MAN1A2: variants seen among roughly 807,000 people sequenced by gnomAD.
MAN1A2 encodes mannosidase alpha class 1A member 2, also known as mannosyl-oligosaccharide 1,2-alpha-mannosidase IB.
MAN1A2 carries 26 observed loss-of-function variants against 75.7 expected under a neutral mutation model. That is an observed-to-expected ratio of 0.34 (90% CI 0.25 to 0.48). The LOEUF is 0.48. Among genes scored for constraint, MAN1A2 ranks in the 20% least tolerant of loss-of-function variants. The probability of loss-of-function intolerance (pLI) is 0.99; values close to 1 mark genes in which losing one functional copy is unlikely to be tolerated. For missense variants in MAN1A2, 562 were observed against 775.5 expected, an observed-to-expected ratio of 0.72 and a Z score of 3.27; for synonymous variants, 247 against 264.6, an observed-to-expected ratio of 0.93 and a Z score of 0.65.
At chr1:117,458,516 T>TAGAG (rs202154946) in intron 6 of MAN1A2, among the ~76,000 whole-genome samples, 1 of 108,026 alleles carries the variant, frequency 9.3e-6, no homozygotes. Context: ...TATATAGATA[T>TAGAG]ATATATATTT....
At chr1:117,486,408 G>T (rs893990355) in intron 8 of MAN1A2, among the ~76,000 whole-genome samples, 2 of 151,854 alleles carry the variant, frequency 1.3e-5, no homozygotes, top group Non-Finnish European at 2.9e-5. Context: ...TGTTTTATAT[G>T]CTTTTCTGTA....
chr1:117,409,545 T>A (rs1469031708), intron 3 of MAN1A2, among the ~76,000 whole-genome samples: 1 of 152,118 alleles, frequency 6.6e-6, no homozygotes, highest in Non-Finnish European at 1.5e-5. Flanking sequence ...ATTCTGCTGT[T>A]ATTGTGTGGA....
At chr1:117,479,212 C>T (rs1252045230) in intron 8 of MAN1A2, among the ~76,000 whole-genome samples, 3 of 151,754 alleles carry the variant, frequency 2.0e-5, no homozygotes, top group Admixed American at 6.6e-5. Context: ...GTTTTCTGTT[C>T]CTGTATAGTT....
At chr1:117,487,356 T>C (rs1201537156) in intron 8 of MAN1A2, among the ~76,000 whole-genome samples, 2 of 152,016 alleles carry the variant, frequency 1.3e-5, no homozygotes, top group Admixed American at 6.6e-5. Flanking sequence ...GGAAGGTCTC[T>C]AGCGGAGTAA....
At chr1:117,490,898 C>T (rs1570787568) in intron 8 of MAN1A2, among the ~76,000 whole-genome samples, 1 of 152,050 alleles carries the variant, frequency 6.6e-6, no homozygotes, top group East Asian at 1.9e-4. Context: ...ACAACATTCC[C>T]TGAAGCCAAA....
intron 8 of MAN1A2, among the ~76,000 whole-genome samples, chr1:117,467,241 G>T (rs1016801182): frequency 2.6e-5 from 4 of 152,062 alleles, no homozygotes; most frequent in Non-Finnish European, 5.9e-5. Context: ...CAACTTTGCC[G>T]CTAATAAAAC....
At chr1:117,483,660 A>G (rs1650571922) in intron 8 of MAN1A2, among the ~76,000 whole-genome samples, 1 of 152,098 alleles carries the variant, frequency 6.6e-6, no homozygotes, top group Admixed American at 6.6e-5. Context: ...GGGGTTTTCT[A>G]AACATACAAT....
At chr1:117,370,131 G>A (rs575890123) in intron 1 of MAN1A2, among the ~76,000 whole-genome samples, 2 of 152,268 alleles carry the variant, frequency 1.3e-5, no homozygotes, top group South Asian at 4.1e-4. Context: ...TTAACAGTCT[G>A]TATAAATAGT....
At chr1:117,451,113 A>G (rs566978408) in intron 6 of MAN1A2, among the ~76,000 whole-genome samples, 1 of 152,302 alleles carries the variant, frequency 6.6e-6, no homozygotes, top group East Asian at 1.9e-4. Context: ...ATACCCTGCA[A>G]AGCCATAGGG....
At chr1:117,378,164 G>A (rs1653217639) in intron 1 of MAN1A2, among the ~76,000 whole-genome samples, 1 of 152,032 alleles carries the variant, frequency 6.6e-6, no homozygotes, top group Admixed American at 6.6e-5. Context: ...AAGTCTTAGT[G>A]GATAATATTA....
In MAN1A2 at chr1:117,368,037, G is replaced by T. The variant is rs1190141772; in HGVS notation, c.-147G>T. The T allele has an allele frequency of 8.5e-6, 6 of 703,338 alleles. No individual in the cohort carries two copies. Among genetic ancestry groups the T allele is most frequent in the East Asian group, 5.2e-5 (2 of 38,704 alleles). The allele number at this position is 703,338 out of a possible 1,614,324, so 43.6% of individuals were successfully genotyped here. ...GTGGGAATGGATGGGCGTGAATGAC[G>T]TGCCCTCTTAAAAAGCACAACAGTC... On this transcript the variant is annotated 5_prime_UTR_variant, in exon 1 of 13. Coordinates refer to ENST00000356554, the MANE Select transcript of MAN1A2 (RefSeq NM_006699.5).
intron 6 of MAN1A2, among the ~76,000 whole-genome samples, chr1:117,453,277 A>C (rs12144850): frequency 0.29 from 44,183 of 152,054 alleles, 6,928 homozygotes; most frequent in African/African-American, 0.4. Context: ...TTAAAGAATG[A>C]ATTTTGTAAG....
chr1:117,428,051 G>A (rs1648434641), intron 5 of MAN1A2, among the ~76,000 whole-genome samples: 8 of 151,180 alleles, frequency 5.3e-5, no homozygotes, highest in Admixed American at 5.3e-4. Flanking sequence ...GAAAAATATT[G>A]CAGACACGTA....
At chr1:117,480,553 A>T (rs993643375) in intron 8 of MAN1A2, among the ~76,000 whole-genome samples, 1 of 151,854 alleles carries the variant, frequency 6.6e-6, no homozygotes, top group African/African-American at 2.4e-5. Context: ...TTAAAAAAAA[A>T]GTCAATTCCT....
chr1:117,494,908 G>A (rs1395771794), intron 9 of MAN1A2: 1 of 151,732 alleles, frequency 6.6e-6, no homozygotes, highest in Non-Finnish European at 1.5e-5. Flanking sequence ...AACATAATAA[G>A]TATTCCGTAG....
intron 7 of MAN1A2, among the ~76,000 whole-genome samples, chr1:117,461,273 A>G (rs532414518): frequency 1.9e-3 from 284 of 152,330 alleles, no homozygotes; most frequent in Non-Finnish European, 1.9e-3. Flanking sequence ...GCTGGAGGAC[A>G]TTATGTTAAG....
In MAN1A2 at chr1:117,524,112, A is replaced by T. The variant is rs1021180074; in HGVS notation, c.*1155A>T. The T allele has an allele frequency of 4.6e-5, 7 of 152,200 alleles. No individual in the cohort carries two copies. The highest frequency in any genetic ancestry group is 2.0e-4 in the Admixed American group (3 of 15,170). The allele number at this position is 152,200 out of a possible 1,614,324, so 9.4% of individuals were successfully genotyped here. A position where few individuals can be genotyped will look rare whatever the true frequency, so the allele number is the denominator to read the frequency against. ...GTTCACAGATATTTTATGTTTTTTT[A>T]ATTTTCTCCAAGAATATTTATAGAA... On this transcript the variant is annotated 3_prime_UTR_variant, in exon 13 of 13. Coordinates refer to ENST00000356554, the MANE Select transcript of MAN1A2 (RefSeq NM_006699.5).
chr1:117,429,434 T>C lies in MAN1A2; in HGVS notation c.855+8785T>C, dbSNP rs1193619885. On this transcript the variant is annotated intron_variant, in intron 5 of 12. Transcript: ENST00000356554. ...GGGGCGGCTGGCCGGGCAGGGGGGC[T>C]GACCCCCCCCACCTCCCTCCCGGAG... 8.0e-3 allele frequency among the ~76,000 whole-genome samples: 872 copies of C among 108,908 alleles called. 13 individuals are homozygous for C. The highest frequency in any genetic ancestry group is 0.011 in the Non-Finnish European group (584 of 51,342). 71.4% of individuals were successfully genotyped at this position (108,908 alleles called of 152,430 possible). A position where few individuals can be genotyped will look rare whatever the true frequency, so the allele number is the denominator to read the frequency against.
intron 8 of MAN1A2, among the ~76,000 whole-genome samples, chr1:117,487,634 T>G (rs1290541): frequency 0.76 from 114,751 of 151,916 alleles, 43,497 homozygotes; most frequent in Middle Eastern, 0.81. Flanking sequence ...GCAAAATAGA[T>G]GTTGTAATAT....
Sources: allele counts gnomAD v4.1 joint callset (sites outside exome capture counted in the v4.1 genomes callset), GRCh38; gene constraint gnomAD v4.1.1; transcripts MANE v1.5; gene names NCBI Gene and HGNC (gene_info 2026-07-23, HGNC 2026-07-21).